The following PPP5C variants were observed in gnomAD, a reference collection of about 807,000 sequenced individuals.
The protein encoded by PPP5C is protein phosphatase 5 catalytic subunit.
PPP5C carries 21 observed loss-of-function variants against 66.7 expected under a neutral mutation model. The observed-to-expected ratio is 0.31, with a 90% CI of 0.22 to 0.45. The LOEUF (loss-of-function observed/expected upper bound fraction) is 0.45. PPP5C is among the 20% of genes least tolerant of loss of function. The probability of loss-of-function intolerance (pLI) is 1.00; values close to 1 mark genes in which losing one functional copy is unlikely to be tolerated. For synonymous variants in PPP5C, 246 were observed against 257.4 expected (o/e 0.96, Z 0.43); for missense variants, 464 against 675.9 (o/e 0.69, Z 3.48).
At chr19:46,362,881 A>G (rs1040557598) in intron 2 of PPP5C, among the ~76,000 whole-genome samples, 1 of 150,340 alleles carries the variant, frequency 6.7e-6, no homozygotes, top group Non-Finnish European at 1.5e-5. Context: ...TCCGCCGCCC[A>G]GGTTCATGCC....
chr19:46,353,724 A>T, intron 1 of PPP5C, 24 bp from the exon 2 acceptor site: 1 of 1,613,754 alleles, frequency 6.2e-7, no homozygotes, highest in South Asian at 1.1e-5. Context: ...GCACTGCCTC[A>T]TGCCTCTTCT....
rs556994466 is a variant in PPP5C, at chr19:46,376,751, A to G, written c.633+177A>G. 2.3e-4 allele frequency: 206 copies of G among 891,726 alleles called. 2 individuals carry two copies. The South Asian group carries it at 3.5e-3, about 15-fold the overall frequency. The allele number at this position is 891,726 out of a possible 1,614,324, so 55.2% of individuals were successfully genotyped here. ...TTACCACATGATCTCATCTCGTCCC[A>G]CAGCAGTTTGGGGAGGTGGCAGGCA... On this transcript the variant is annotated intron_variant, in intron 4 of 12. Coordinates refer to ENST00000012443, the MANE Select transcript of PPP5C (RefSeq NM_006247.4). This position sits in a 1 kb window ranked among gnomAD's most constrained non-coding sequence, Gnocchi z 5.1.
intron 1 of PPP5C, among the ~76,000 whole-genome samples, chr19:46,350,005 G>C (rs866442456): frequency 9.9e-5 from 15 of 151,658 alleles, no homozygotes; most frequent in African/African-American, 3.6e-4. Flanking sequence ...AAGGAGCCAG[G>C]GCTTTCTGGG....
At chr19:46,389,635 G>T (rs148601835) in intron 11 of PPP5C, among the ~76,000 whole-genome samples, 360 of 152,100 alleles carry the variant, frequency 2.4e-3, no homozygotes, top group African/African-American at 8.4e-3. Context: ...ATTTGTTGAA[G>T]AATAGGTTGC....
rs1972941347 is a variant in PPP5C at position 46,388,923 on chromosome 19, G to T, written c.1355+192G>T. Among the ~76,000 whole-genome samples, 2 of 152,154 alleles carry T rather than the reference G, an allele frequency of 1.3e-5. No individual in the cohort carries two copies. The highest frequency in any genetic ancestry group is 2.4e-5 in the African/African-American group (1 of 41,452). On this transcript the variant is annotated intron_variant, in intron 11 of 12. Coordinates refer to ENST00000012443, the MANE Select transcript of PPP5C (RefSeq NM_006247.4). This position sits in a 1 kb window ranked among gnomAD's most constrained non-coding sequence, Gnocchi z 4.9. ...GCCAGCCTGTGAGTGCTGACCAGCTGCCCTGTGTTACAGCAAGCCCCTGGC... is the reference window on the plus strand; with the variant it reads ...GCCAGCCTGTGAGTGCTGACCAGCTTCCCTGTGTTACAGCAAGCCCCTGGC...
intron 7 of PPP5C, 31 bp from the exon 8 acceptor site, chr19:46,387,062 G>C: frequency 1.2e-6 from 2 of 1,614,102 alleles, no homozygotes; most frequent in South Asian, 2.2e-5. Flanking sequence ...CCTGGAGGCT[G>C]AGCTTTCTCT....
In PPP5C at chr19:46,390,331, G is replaced by A. The variant is rs1822614227; in HGVS notation, c.1485G>A (p.Gln495=). Residue 495 remains glutamine (Q), a synonymous_variant, in exon 13 of 13, where the codon CAG becomes CAA. Transcript: ENST00000012443. The part of the protein sequence containing the change: ...KPMAYANTLL[Q]LGMM ...TGGCCTATGCCAACACGCTGCTGCA[G>A]CTAGGAATGATGTGAGGTGACGGGC... 6.3e-7 allele frequency: 1 copy of A among 1,580,690 alleles called. No individual in the cohort carries two copies. Among genetic ancestry groups the A allele is most frequent in the African/African-American group, 1.3e-5 (1 of 74,224 alleles).
chr19:46,389,408 CA>C (rs1972963199), intron 11 of PPP5C, among the ~76,000 whole-genome samples: 1 of 33,650 alleles, frequency 3.0e-5, no homozygotes, highest in Non-Finnish European at 7.7e-5. Context: ...CACACACACA[CA>C]CACACACACA....
chr19:46,382,368 T>C (rs1386896833), intron 4 of PPP5C: 1 of 152,262 alleles, frequency 6.6e-6, no homozygotes, highest in African/African-American at 2.4e-5. Flanking sequence ...CAGATGGCTT[T>C]ACCTTTGATT....
Position 46,383,090 on chromosome 19 carries a change from C to A in PPP5C, c.634-321C>A. 8.4e-7 allele frequency: 1 copy of A among 1,193,410 alleles called. No individual in the cohort carries two copies. Among genetic ancestry groups the A allele is most frequent in the Non-Finnish European group, 1.1e-6 (1 of 924,698 alleles). The allele number at this position is 1,193,410 out of a possible 1,614,324, so 73.9% of individuals were successfully genotyped here. A position where few individuals can be genotyped will look rare whatever the true frequency, so the allele number is the denominator to read the frequency against. ...ACAGTGACATTGCGCTGTGTCCAGG[C>A]CAGTTCTTTTATAAAATGTTCTACG... On this transcript the variant is annotated intron_variant, in intron 4 of 12. Coordinates refer to ENST00000012443, the MANE Select transcript of PPP5C (RefSeq NM_006247.4). The surrounding 1 kb of genome is among the most constrained non-coding windows in gnomAD (Gnocchi z 5.0).
intron 1 of PPP5C, 133 bp downstream of exon 1, chr19:46,347,350 C>T (rs1476602524): frequency 7.4e-7 from 1 of 1,350,686 alleles, no homozygotes; most frequent in Admixed American, 2.9e-5. Context: ...CGTGGGGAGG[C>T]CCAGGATGGC....
At chr19:46,351,554 C>T (rs774228226) in intron 1 of PPP5C, among the ~76,000 whole-genome samples, 10 of 152,344 alleles carry the variant, frequency 6.6e-5, no homozygotes, top group East Asian at 5.8e-4. Flanking sequence ...TCTGCAGAGC[C>T]GGGTGGCAGG....
chr19:46,375,241 C>T (rs1481225912), intron 2 of PPP5C, among the ~76,000 whole-genome samples: 3 of 152,126 alleles, frequency 2.0e-5, no homozygotes, highest in Non-Finnish European at 4.4e-5. Flanking sequence ...TCTCATGCTC[C>T]GCCACCTTGG....
intron 2 of PPP5C, among the ~76,000 whole-genome samples, chr19:46,368,418 C>T (rs1485771521): frequency 6.6e-6 from 1 of 152,262 alleles, no homozygotes; most frequent in African/African-American, 2.4e-5. Flanking sequence ...AGTTTGCTTT[C>T]AGTTGGCAAG....
intron 1 of PPP5C, among the ~76,000 whole-genome samples, chr19:46,351,460 A>G (rs1220985762): frequency 6.6e-6 from 1 of 152,122 alleles, no homozygotes; most frequent in Non-Finnish European, 1.5e-5. Context: ...GTTTTCTTAC[A>G]CAAGTTCGTA....
At chr19:46,355,263 G>A (rs968317132) in intron 2 of PPP5C, among the ~76,000 whole-genome samples, 1 of 144,150 alleles carries the variant, frequency 6.9e-6, no homozygotes, top group Non-Finnish European at 1.5e-5. Context: ...GTGTCGAGAG[G>A]ATTGTTATCC....
chr19:46,351,946 G>A (rs1972193962), intron 1 of PPP5C, among the ~76,000 whole-genome samples: 1 of 152,228 alleles, frequency 6.6e-6, no homozygotes, highest in South Asian at 2.1e-4. Context: ...ATTGCCAGGA[G>A]TTGGCGTGGC....
chr19:46,370,103 TATTAA>T (rs780505985), intron 2 of PPP5C, among the ~76,000 whole-genome samples: 2 of 152,126 alleles, frequency 1.3e-5, no homozygotes, highest in Non-Finnish European at 2.9e-5. Flanking sequence ...CACTAGATTA[TATTAA>T]ATTTATTTTT....
Position 46,384,897 on chromosome 19 carries a change from C to T in PPP5C, c.892C>T (p.His298Tyr). ...GFKLLYPDHF[H>Y]LLRGNHETDN... The stretch of plus-strand genomic sequence containing the variant: ...CAAGCTCCTGTACCCAGATCACTTT[C>T]ACCTCCTTCGAGGTGAGCTGGGAAG... The change falls in exon 7 of 13, where the codon CAC becomes TAC. Residue 298 changes from histidine (H) to tyrosine (Y), a missense_variant. By Grantham distance (83) the His-to-Tyr change is moderately conservative. This residue lies in a region of PPP5C where 387 missense variants were observed against 626.0 expected (regional missense o/e 0.62). Transcript: ENST00000012443. 1.9e-6 allele frequency: 3 copies of T among 1,613,548 alleles called. No individual in the cohort carries two copies. The highest frequency in any genetic ancestry group is 2.5e-6 in the Non-Finnish European group (3 of 1,179,434).
Sources: gnomAD v4.1 joint callset for allele counts (sites outside exome capture counted in the v4.1 genomes callset) on GRCh38, gnomAD v4.1.1 for gene constraint, gnomAD v4.1.1 regional missense constraint, Gnocchi (gnomAD v3.1) non-coding constraint, MANE v1.5 for transcripts, NCBI Gene and HGNC (gene_info 2026-07-23, HGNC 2026-07-21) for gene names.